Variants in RNF11 observed in about 807,000 individuals in gnomAD.
RNF11 encodes the protein ring finger protein 11.
A neutral mutation model predicts 15.8 loss-of-function variants in RNF11; 4 were observed. The ratio of observed to expected loss-of-function variants is 0.25; its 90% CI spans 0.12 to 0.58. The LOEUF (loss-of-function observed/expected upper bound fraction) is 0.58, where lower values mean the gene tolerates loss of function less well. RNF11 is among the 20% of genes least tolerant of loss of function. RNF11 has a pLI of 0.91. For missense variants in RNF11, 139 were observed against 194.4 expected, an observed-to-expected ratio of 0.71 and a Z score of 1.70; for synonymous variants, 68 against 72.3, an observed-to-expected ratio of 0.94 and a Z score of 0.30.
intron 1 of RNF11, among the ~76,000 whole-genome samples, chr1:51,258,660 A>G (rs986940553): frequency 1.3e-5 from 2 of 152,172 alleles, no homozygotes; most frequent in African/African-American, 4.8e-5. Flanking sequence ...TTTCATTTGG[A>G]AGTAAACAGC....
At chr1:51,248,391 A>G (rs2148067246) in intron 1 of RNF11, among the ~76,000 whole-genome samples, 1 of 151,988 alleles carries the variant, frequency 6.6e-6, no homozygotes, top group Admixed American at 6.6e-5. Flanking sequence ...TTTTTAGTAG[A>G]GGCAGGGTTT....
intron 2 of RNF11, among the ~76,000 whole-genome samples, chr1:51,270,449 C>T (rs1569689302): frequency 6.6e-6 from 1 of 151,862 alleles, no homozygotes. Flanking sequence ...CTCATCTCTA[C>T]TGAAAATACG....
chr1:51,244,644 G>T (rs1310651459), intron 1 of RNF11, among the ~76,000 whole-genome samples: 1 of 152,148 alleles, frequency 6.6e-6, no homozygotes, highest in African/African-American at 2.4e-5. Context: ...AAAGTGCTGG[G>T]ATTACAAGCG....
intron 1 of RNF11, among the ~76,000 whole-genome samples, chr1:51,246,135 C>T (rs1053716649): frequency 5.9e-5 from 9 of 152,168 alleles, no homozygotes; most frequent in Admixed American, 5.9e-4. Flanking sequence ...TGTGGTGGCA[C>T]ATGCCTGTAA....
intron 1 of RNF11, among the ~76,000 whole-genome samples, chr1:51,247,360 C>G (rs1272286554): frequency 6.6e-6 from 1 of 152,154 alleles, no homozygotes; most frequent in Non-Finnish European, 1.5e-5. Flanking sequence ...GGACCACAGG[C>G]TCATGCCACC....
intron 1 of RNF11, among the ~76,000 whole-genome samples, chr1:51,241,431 G>C (rs545239599): frequency 6.6e-5 from 10 of 152,156 alleles, no homozygotes; most frequent in Non-Finnish European, 1.5e-4. Flanking sequence ...TTACACCACC[G>C]TGTCTAGCTG....
chr1:51,236,793 A>T lies in RNF11; in HGVS notation c.37A>T (p.Ile13Phe). 1 of 1,613,344 alleles carries T rather than the reference A, an allele frequency of 6.2e-7. No homozygotes were observed. Among genetic ancestry groups the T allele is most frequent in the Non-Finnish European group, 8.5e-7 (1 of 1,179,700 alleles). Reference sequence around the variant, plus strand: ...CCTCAAATCCCCCACCTCGGATGACATCTCCCTGCTTCACGAGTCTCAGTC... The same window carrying T: ...CCTCAAATCCCCCACCTCGGATGACTTCTCCCTGCTTCACGAGTCTCAGTC... ...NCLKSPTSDDISLLHESQSDR... is the reference protein window; with the variant it reads ...NCLKSPTSDDFSLLHESQSDR... Residue 13 changes from isoleucine to phenylalanine, a missense_variant, in exon 1 of 3, where the codon ATC becomes TTC. Physicochemically the swap from Ile to Phe is conservative, Grantham distance 21 (BLOSUM62 0). Transcript: ENST00000242719.
chr1:51,257,583 G>A (rs1448902195), intron 1 of RNF11, among the ~76,000 whole-genome samples: 1 of 151,848 alleles, frequency 6.6e-6, no homozygotes, highest in Non-Finnish European at 1.5e-5. Flanking sequence ...AGCCTCTCTC[G>A]AGCAGCTGGG....
chr1:51,268,833 A>G (rs1646966089), intron 1 of RNF11, among the ~76,000 whole-genome samples: 1 of 152,228 alleles, frequency 6.6e-6, no homozygotes, highest in African/African-American at 2.4e-5. Context: ...GTATTCAAAG[A>G]GAAGCCAGAA....
intron 1 of RNF11, among the ~76,000 whole-genome samples, chr1:51,249,089 A>G (rs1309163282): frequency 6.6e-6 from 1 of 152,170 alleles, no homozygotes; most frequent in Non-Finnish European, 1.5e-5. Context: ...TTTGGTGTTC[A>G]AGGATTTTGG....
At position 51,273,275 on chromosome 1, in the gene RNF11, GTCTT is replaced by G. The variant is rs1480163305; in HGVS notation, c.*1959_*1962del. The G allele has an allele frequency of 2.0e-5, 3 of 152,012 alleles. No individual in the cohort carries two copies. The highest frequency in any genetic ancestry group is 6.6e-5 in the Admixed American group (1 of 15,252). 9.4% of individuals were successfully genotyped at this position (152,012 alleles called of 1,614,324 possible). A position where few individuals can be genotyped will look rare whatever the true frequency, so the allele number is the denominator to read the frequency against. On this transcript the variant is annotated 3_prime_UTR_variant, in exon 3 of 3. Coordinates refer to ENST00000242719, the MANE Select transcript of RNF11 (RefSeq NM_014372.5). Reference sequence around the variant, plus strand: ...AAAATCATCTTCCATGTTGCAGTTAGTCTTTCTTTTCATTACAAGTCTTTCACAG... The same window carrying G: ...AAAATCATCTTCCATGTTGCAGTTAGTCTTTTCATTACAAGTCTTTCACAG...
intron 1 of RNF11, among the ~76,000 whole-genome samples, chr1:51,240,028 G>T (rs528201951): frequency 6.6e-6 from 1 of 152,232 alleles, no homozygotes; most frequent in South Asian, 2.1e-4. Context: ...AGTTATCCCT[G>T]CTTTCACCCT....
chr1:51,259,144 A>G (rs763987888), intron 1 of RNF11, among the ~76,000 whole-genome samples: 10 of 152,208 alleles, frequency 6.6e-5, no homozygotes, highest in South Asian at 2.1e-4. Context: ...GTCTAGAGAC[A>G]TTTTTTGGTT....
In RNF11 at chr1:51,257,853, C is replaced by CTTTTCT. The variant is rs1314112586; in HGVS notation, c.124-12099_124-12098insCTTTTT. Among the ~76,000 whole-genome samples the CTTTTCT allele has an allele frequency of 7.7e-5, 7 of 91,270 alleles. 1 individual carries two copies. Among genetic ancestry groups the CTTTTCT allele is most frequent in the African/African-American group, 3.4e-4 (7 of 20,662 alleles). 59.9% of individuals were successfully genotyped at this position (91,270 alleles called of 152,430 possible). A position where few individuals can be genotyped will look rare whatever the true frequency, so the allele number is the denominator to read the frequency against. Reference sequence around the variant, plus strand: ...CTTCTTATTTCTTTTCTTTTCTTTTCTTTTTTTTTTTTTTTTTTGAGACAA... The same window carrying CTTTTCT: ...CTTCTTATTTCTTTTCTTTTCTTTTCTTTTCTTTTTTTTTTTTTTTTTTTGAGACAA... On this transcript the variant is annotated intron_variant, in intron 1 of 2. Transcript: ENST00000242719.
intron 1 of RNF11, among the ~76,000 whole-genome samples, chr1:51,241,857 G>A (rs1259608776): frequency 6.6e-6 from 1 of 152,176 alleles, no homozygotes. Context: ...AGCCCTGAAA[G>A]GCATATGTAA....
At chr1:51,268,899 A>G (rs1217010204) in intron 1 of RNF11, among the ~76,000 whole-genome samples, 1 of 152,224 alleles carries the variant, frequency 6.6e-6, no homozygotes, top group Non-Finnish European at 1.5e-5. Flanking sequence ...CAAAGCAGAG[A>G]ATCATGATGG....
intron 1 of RNF11, among the ~76,000 whole-genome samples, chr1:51,263,224 A>T (rs1646938784): frequency 6.6e-6 from 1 of 152,250 alleles, no homozygotes; most frequent in Admixed American, 6.5e-5. Flanking sequence ...ATGTATTTTC[A>T]TAACACTGTT....
chr1:51,236,688 C>T lies in RNF11; in HGVS notation c.-69C>T. 2 of 1,593,694 alleles carry T rather than the reference C, an allele frequency of 1.3e-6. No homozygotes were observed. Among genetic ancestry groups the T allele is most frequent in the Non-Finnish European group, 1.7e-6 (2 of 1,169,170 alleles). On this transcript the variant is annotated 5_prime_UTR_variant, in exon 1 of 3. Coordinates refer to ENST00000242719, the MANE Select transcript of RNF11 (RefSeq NM_014372.5). ...ACCCCACCTCGCCAACCGAGGCGGA[C>T]CGCGGAGTGTGCGAACGACCCCACC...
intron 1 of RNF11, among the ~76,000 whole-genome samples, chr1:51,239,287 A>G (rs1032227775): frequency 3.3e-5 from 5 of 152,172 alleles, no homozygotes; most frequent in Non-Finnish European, 4.4e-5. Context: ...GAACTAGGTG[A>G]TGATGAGGGA....
Sources: allele counts gnomAD v4.1 joint callset (sites outside exome capture counted in the v4.1 genomes callset), GRCh38; gene constraint gnomAD v4.1.1; transcripts MANE v1.5; gene names NCBI Gene and HGNC (gene_info 2026-07-23, HGNC 2026-07-21).